The following NEB variants were observed in gnomAD, a reference collection of about 807,000 sequenced individuals.
The protein encoded by NEB is nemaline myopathy type 2.
Under a neutral mutation model 952.2 loss-of-function variants are expected in NEB, and 512 were observed. That is an observed-to-expected ratio of 0.54 (90% CI 0.50 to 0.58). NEB has a LOEUF of 0.58. Ranked by LOEUF, NEB falls within the 20% of genes least tolerant of loss-of-function variation. The pLI is 0.00. For missense variants in NEB, 8,428 were observed against 9,231.1 expected, an observed-to-expected ratio of 0.91 and a Z score of 3.56; for synonymous variants, 2,900 against 3,149.8, an observed-to-expected ratio of 0.92 and a Z score of 2.66.
Position 151,669,110 on chromosome 2 carries a change from C to T in NEB, c.4528G>A (p.Glu1510Lys), listed in dbSNP as rs370064863. The change falls in exon 39 of 182, where the codon GAG (glutamate) becomes AAG (lysine). Residue 1510 changes from glutamate to lysine, a missense_variant. Around this residue, in one of 11 missense-constraint regions of NEB, gnomAD observed 2,851 missense variants for 2,791.5 expected, o/e 1.02. Coordinates refer to ENST00000397345, the MANE Select transcript of NEB (RefSeq NM_001164508.2). ...LSDLNYKVEG[E>K]KLKHKYTIDP... Reference sequence around the variant, plus strand: ...ATAGTATACTTGTGCTTCAGTTTCTCTCCCTCTACCTTGTAGTTCAACTAA... The same window carrying T: ...ATAGTATACTTGTGCTTCAGTTTCTTTCCCTCTACCTTGTAGTTCAACTAA... 1.2e-5 allele frequency: 19 copies of T among 1,582,978 alleles called. No homozygotes were observed. Among genetic ancestry groups the T allele is most frequent in the South Asian group, 2.3e-5 (2 of 86,634 alleles).
Position 151,631,256 on chromosome 2 carries a change from C to G in NEB, c.9505G>C (p.Glu3169Gln). 1 of 1,613,926 alleles carries G rather than the reference C, an allele frequency of 6.2e-7. No homozygotes were observed. Among genetic ancestry groups the G allele is most frequent in the South Asian group, 1.1e-5 (1 of 91,084 alleles). The change falls in exon 66 of 182, where the codon GAA (glutamate) becomes CAA (glutamine). Residue 3169 changes from glutamate to glutamine, a missense_variant. Glu to Gln is a conservative substitution (Grantham distance 29). Around this residue, in one of 11 missense-constraint regions of NEB, gnomAD observed 1,772 missense variants for 1,960.3 expected, o/e 0.90. Coordinates refer to ENST00000397345, the MANE Select transcript of NEB (RefSeq NM_001164508.2). ...CGGTAGATGTTATCACTCAGTATTTCGGTAGCTCTCTTGCACTTGACCACA... is the reference window on the plus strand; with the variant it reads ...CGGTAGATGTTATCACTCAGTATTTGGGTAGCTCTCTTGCACTTGACCACA... The part of the protein sequence containing the change: ...MDVVKCKRAT[E>Q]ILSDNIYRQP...
chr2:151,524,655 T>TC (rs1491480516), intron 151 of NEB, 39 bp from the exon 152 acceptor site: 22 of 67,788 alleles, frequency 3.2e-4, no homozygotes, highest in African/African-American at 1.9e-3. Flanking sequence ...AGAGAGAGGC[T>TC]TTTTTTTTTT....
chr2:151,581,669 C>T (rs1306576541), intron 102 of NEB, 82 bp from the exon 103 acceptor site: 7 of 1,485,870 alleles, frequency 4.7e-6, no homozygotes, highest in Non-Finnish European at 6.4e-6. Context: ...AGTCATAAAA[C>T]ATACTTGAAT....
Position 151,717,513 on chromosome 2 carries a change from T to C in NEB, c.725A>G (p.Tyr242Cys), listed in dbSNP as rs1260633344. 2.5e-6 allele frequency: 4 copies of C among 1,611,274 alleles called. No homozygotes were observed. The highest frequency in any genetic ancestry group is 2.2e-5 in the South Asian group (2 of 90,930). Residue 242 changes from tyrosine (Y) to cysteine (C), a missense_variant, in exon 10 of 182, where the codon TAC (tyrosine) becomes TGC (cysteine). Around this residue, in one of 11 missense-constraint regions of NEB, gnomAD observed 2,851 missense variants for 2,791.5 expected, o/e 1.02. Transcript: ENST00000397345. ...TTGCTGTTCAGCGAGACCTTTTTTGTAGGCAACCTGATGAAATAAAAGACA... is the reference window on the plus strand; with the variant it reads ...TTGCTGTTCAGCGAGACCTTTTTTGCAGGCAACCTGATGAAATAAAAGACA... Reference protein sequence around the residue: ...QAQKALSDVAYKKGLAEQQAQ... With the variant: ...QAQKALSDVACKKGLAEQQAQ...
chr2:151,561,238 A>G lies in NEB; in HGVS notation c.19071T>C (p.Thr6357=). ...TGGCATTAATGCCACTCTGAACAGC[A>G]GTCACATAGAGGGGCGTGTCTGTGA... ...NLVTDTPLYV[T]AVQSGINASE... Residue 6357 remains threonine (T), a synonymous_variant, in exon 122 of 182, where the codon ACT becomes ACC. Coordinates refer to ENST00000397345, the MANE Select transcript of NEB (RefSeq NM_001164508.2). The G allele has an allele frequency of 6.2e-7, 1 of 1,608,896 alleles. No homozygotes were observed. Among genetic ancestry groups the G allele is most frequent in the Non-Finnish European group, 8.5e-7 (1 of 1,177,244 alleles).
At position 151,733,198 on chromosome 2, in the gene NEB, C is replaced by G. The variant is rs983639653; in HGVS notation, c.-29-13G>C. 6.5e-7 allele frequency: 1 copy of G among 1,548,606 alleles called. No homozygotes were observed. The highest frequency in any genetic ancestry group is 1.4e-5 in the African/African-American group (1 of 73,554). ...TGGCACCTACAAACTTTTCATATTC[C>G]ATACAAATGAAAACATATTAGAGTC... is the stretch of plus-strand genomic sequence containing the variant. On this transcript the variant is annotated splice_polypyrimidine_tract_variant and intron_variant, in intron 2 of 181. Coordinates refer to ENST00000397345, the MANE Select transcript of NEB (RefSeq NM_001164508.2).
intron 18 of NEB, among the ~76,000 whole-genome samples, chr2:151,695,363 G>A (rs942590273): frequency 6.6e-5 from 10 of 152,056 alleles, no homozygotes; most frequent in Admixed American, 6.5e-4. Context: ...TATATATTAC[G>A]ATTATCTAAT....
At chr2:151,531,769 T>C in intron 144 of NEB, 23 bp downstream of exon 144, 1 of 1,546,530 alleles carries the variant, frequency 6.5e-7, no homozygotes, top group Non-Finnish European at 8.9e-7. Flanking sequence ...TTTGAGAAGG[T>C]ATTCAGTGTT....
chr2:151,645,591 C>T (rs1379691994), intron 55 of NEB, among the ~76,000 whole-genome samples: 3 of 152,118 alleles, frequency 2.0e-5, no homozygotes, highest in East Asian at 1.9e-4. Context: ...GTCAGTCCTT[C>T]GTGGAACTAC....
chr2:151,709,806 A>C (rs1019475450), intron 11 of NEB, 43 bp from the exon 12 acceptor site: 2 of 1,404,730 alleles, frequency 1.4e-6, no homozygotes, highest in African/African-American at 2.8e-5. Flanking sequence ...GTGGAAATGA[A>C]CTATGCAAGA....
intron 35 of NEB, among the ~76,000 whole-genome samples, chr2:151,674,883 T>C (rs960710181): frequency 6.6e-6 from 1 of 152,132 alleles, no homozygotes; most frequent in Non-Finnish European, 1.5e-5. Flanking sequence ...CTAGAGACAA[T>C]GAAGTTGTTC....
rs1274356868 is a variant in NEB at position 151,546,088 on chromosome 2, A to C, written c.20467-90T>G. The stretch of plus-strand genomic sequence containing the variant: ...TGTCTTTCAAATGTCTGGCATGTGT[A>C]AGCTGAGCAGGGCTTTCATGTGTCC... On this transcript the variant is annotated intron_variant, in intron 134 of 181. Transcript: ENST00000397345. 57 of 928,844 alleles carry C rather than the reference A, an allele frequency of 6.1e-5. No individual in the cohort carries two copies. The Admixed American group carries it at 1.2e-3, about 20-fold the overall frequency. 57.5% of individuals were successfully genotyped at this position (928,844 alleles called of 1,614,324 possible).
intron 40 of NEB, among the ~76,000 whole-genome samples, 178 bp downstream of exon 40, chr2:151,667,626 A>G (rs1038881010): frequency 3.3e-5 from 5 of 152,010 alleles, no homozygotes; most frequent in African/African-American, 4.8e-5. Flanking sequence ...CTCCTGGGTT[A>G]AAGAGATCCT....
At chr2:151,680,624 G>T in intron 30 of NEB, 106 bp downstream of exon 30, 1 of 761,742 alleles carries the variant, frequency 1.3e-6, no homozygotes, top group Non-Finnish European at 2.1e-6. Context: ...TGTGTAATTG[G>T]GTCTCTTCAT....
chr2:151,490,539 G>A (rs1337348566), intron 179 of NEB, 21 bp from the exon 180 acceptor site: 1 of 1,604,586 alleles, frequency 6.2e-7, no homozygotes. Flanking sequence ...TGCAGTTGGG[G>A]GAGATGTAGC....
intron 154 of NEB, 136 bp downstream of exon 154, chr2:151,519,522 A>T: frequency 2.9e-6 from 2 of 690,876 alleles, no homozygotes; most frequent in East Asian, 2.7e-5. Flanking sequence ...TTCTGTTGGT[A>T]TGAAAACATT....
rs939177563 is a variant in NEB at position 151,656,180 on chromosome 2, G to A, written c.6468C>T (p.Thr2156=). 11 of 1,602,176 alleles carry A rather than the reference G, an allele frequency of 6.9e-6. No individual in the cohort carries two copies. Among genetic ancestry groups the A allele is most frequent in the Non-Finnish European group, 9.4e-6 (11 of 1,172,960 alleles). The change falls in exon 49 of 182, where the codon ACC becomes ACT. Residue 2156 remains threonine, a synonymous_variant. Transcript: ENST00000397345. ...CACTCTGTATGCGATTCATATTCCT[G>A]GTCAGCTCAATGTTCATTGCATCTG... ...LLPDAMNIEL[T]RNMNRIQSDN...
chr2:151,530,721 G>A (rs574435543), intron 145 of NEB: 26 of 324,614 alleles, frequency 8.0e-5, no homozygotes, highest in African/African-American at 3.8e-4. Context: ...CTCCCAGCCC[G>A]CAGCCATCAC....
chr2:151,528,878 G>A (rs2088480853), intron 146 of NEB, among the ~76,000 whole-genome samples: 1 of 152,154 alleles, frequency 6.6e-6, no homozygotes, highest in Non-Finnish European at 1.5e-5. Context: ...AGAGCACAGG[G>A]AAAGAGAATG....
Sources: allele counts gnomAD v4.1 joint callset (sites outside exome capture counted in the v4.1 genomes callset), GRCh38; gene constraint gnomAD v4.1.1; regional missense constraint gnomAD v4.1.1; transcripts MANE v1.5; gene names NCBI Gene and HGNC (gene_info 2026-07-23, HGNC 2026-07-21).